Variants in SLC19A2 observed in about 807,000 individuals in gnomAD.
SLC19A2 encodes solute carrier family 19 member 2, also known as thiamine transporter 1.
A neutral mutation model predicts 44.7 loss-of-function variants in SLC19A2; 27 were observed. The observed-to-expected ratio is 0.60, with a 90% CI of 0.45 to 0.83. The LOEUF (loss-of-function observed/expected upper bound fraction) is 0.83. SLC19A2 is among the 40% of genes least tolerant of loss of function. The pLI, the probability that SLC19A2 is intolerant of heterozygous loss-of-function variation, is 0.00. For missense variants in SLC19A2, 566 were observed against 613.7 expected, an observed-to-expected ratio of 0.92 and a Z score of 0.82; for synonymous variants, 239 against 243.6, an observed-to-expected ratio of 0.98 and a Z score of 0.18.
rs1658132833 is a variant in SLC19A2 at position 169,470,099 on chromosome 1, A to T, written c.895T>A (p.Ser299Thr). The part of the protein sequence containing the change: ...CYSSRPLLCW[S>T]VWWALSTCGY... Reference sequence around the variant, plus strand: ...CAGGTAGAGAGGGCCCACCACACAGACCAGCAGAGAAGAGGGCGAGAGGAG... The same window carrying T: ...CAGGTAGAGAGGGCCCACCACACAGTCCAGCAGAGAAGAGGGCGAGAGGAG... The change falls in exon 3 of 6, where the codon TCT becomes ACT. Residue 299 changes from serine to threonine, a missense_variant. Physicochemically the swap from Ser to Thr is moderately conservative, Grantham distance 58. Coordinates refer to ENST00000236137, the MANE Select transcript of SLC19A2 (RefSeq NM_006996.3). 1 of 1,614,092 alleles carries T rather than the reference A, an allele frequency of 6.2e-7. No individual in the cohort carries two copies. The highest frequency in any genetic ancestry group is 1.7e-5 in the Admixed American group (1 of 60,000).
Position 169,485,790 on chromosome 1 carries a change from C to T in SLC19A2, c.-24G>A, listed in dbSNP as rs1184346268. The T allele has an allele frequency of 8.6e-6, 13 of 1,514,352 alleles. No individual in the cohort carries two copies. Among genetic ancestry groups the T allele is most frequent in the South Asian group, 1.2e-5 (1 of 81,044 alleles). 93.8% of individuals were successfully genotyped at this position (1,514,352 alleles called of 1,614,324 possible). A position where few individuals can be genotyped will look rare whatever the true frequency, so the allele number is the denominator to read the frequency against. On this transcript the variant is annotated 5_prime_UTR_variant, in exon 1 of 6. Transcript: ENST00000236137. ...ATCCGGGGCGCGAGGGGAGGGGACC[C>T]GGCCCGGCCCCTTCCTTCTCCTCCT...
Position 169,485,610 on chromosome 1 carries a change from G to T in SLC19A2, c.157C>A (p.Leu53Met). Residue 53 changes from leucine (L) to methionine (M), a missense_variant, in exon 1 of 6, where the codon CTG becomes ATG. Coordinates refer to ENST00000236137, the MANE Select transcript of SLC19A2 (RefSeq NM_006996.3). ...TCCGGCCCCAGCAGGTACGGGGTCA[G>T]GAAGGGCTCGGACGGCCTGAGGCTG... is the stretch of plus-strand genomic sequence containing the variant. ...FASLRPSEPF[L>M]TPYLLGPDKN... 1 of 1,577,346 alleles carries T rather than the reference G, an allele frequency of 6.3e-7. No homozygotes were observed. The highest frequency in any genetic ancestry group is 1.8e-5 in the Admixed American group (1 of 55,794).
intron 1 of SLC19A2, among the ~76,000 whole-genome samples, chr1:169,484,421 G>A (rs1287971473): frequency 6.6e-6 from 1 of 152,132 alleles, no homozygotes; most frequent in Non-Finnish European, 1.5e-5. Context: ...TAAATGGGAG[G>A]AGTATTTTAC....
At chr1:169,478,626 A>G (rs1246862900) in intron 1 of SLC19A2, among the ~76,000 whole-genome samples, 1 of 142,416 alleles carries the variant, frequency 7.0e-6, no homozygotes, top group Non-Finnish European at 1.5e-5. Context: ...CACCAGCCTC[A>G]GCCTCCCAAA....
In SLC19A2 at chr1:169,468,645, T is replaced by C. The variant is rs1333282774; in HGVS notation, c.1222A>G (p.Thr408Ala). The C allele has an allele frequency of 6.2e-7, 1 of 1,613,460 alleles. No homozygotes were observed. The highest frequency in any genetic ancestry group is 8.5e-7 in the Non-Finnish European group (1 of 1,179,496). The change falls in exon 4 of 6, where the codon ACT becomes GCT. Residue 408 changes from threonine to alanine, a missense_variant and splice_region_variant. Thr to Ala is a moderately conservative substitution (Grantham distance 58). Transcript: ENST00000236137. ...GCTTCTATGAGCCAAAATACATACG[T>C]TGCTATCGTGATGAGTAACATGTAG... Reference protein sequence around the residue: ...IIYMLLITIATFQIAANLSME... With the variant: ...IIYMLLITIAAFQIAANLSME...
At chr1:169,475,862 G>C (rs191761767) in intron 2 of SLC19A2, among the ~76,000 whole-genome samples, 85 of 152,180 alleles carry the variant, frequency 5.6e-4, no homozygotes, top group Non-Finnish European at 8.1e-4. Flanking sequence ...CGGGGATAGA[G>C]AAAAGAGAGT....
In SLC19A2 at chr1:169,469,849, C is replaced by T. The variant is rs182263645; in HGVS notation, c.1030+115G>A. ...ATTGTAAAATCTAGCTCAAAATAAT[C>T]ATTTTTTGAGGCTATTTCAAATTTG... On this transcript the variant is annotated intron_variant, in intron 3 of 5. Coordinates refer to ENST00000236137, the MANE Select transcript of SLC19A2 (RefSeq NM_006996.3). The T allele has an allele frequency of 3.5e-3, 3,336 of 960,896 alleles. 60 individuals are homozygous for T. Among genetic ancestry groups the T allele is most frequent in the South Asian group, 2.2e-3 (166 of 74,158 alleles). The allele number at this position is 960,896 out of a possible 1,614,324, so 59.5% of individuals were successfully genotyped here.
intron 1 of SLC19A2, among the ~76,000 whole-genome samples, chr1:169,484,358 T>C (rs773866841): frequency 1.3e-5 from 2 of 152,152 alleles, no homozygotes; most frequent in African/African-American, 2.4e-5. Context: ...GGTTACTGAG[T>C]GGCTACTCAA....
intron 3 of SLC19A2, 90 bp from the exon 4 acceptor site, chr1:169,468,926 A>AT: frequency 8.5e-7 from 1 of 1,171,952 alleles, no homozygotes; most frequent in Non-Finnish European, 1.2e-6. Context: ...TTAAATTTTA[A>AT]AATCTGCAAA....
Position 169,468,227 on chromosome 1 carries a change from T to C in SLC19A2, c.1249A>G (p.Met417Val), listed in dbSNP as rs765422888. The C allele has an allele frequency of 3.7e-6, 6 of 1,613,804 alleles. No individual in the cohort carries two copies. The highest frequency in any genetic ancestry group is 2.2e-5 in the East Asian group (1 of 44,878). Residue 417 changes from methionine (M) to valine (V), a missense_variant, in exon 5 of 6, where the codon ATG becomes GTG. Coordinates refer to ENST00000236137, the MANE Select transcript of SLC19A2 (RefSeq NM_006996.3). ...CCAAATACTAGGGCATAGCGTTCCA[T>C]GCTGAGGTTTGCAGCAATTTGAAAA... is the stretch of plus-strand genomic sequence containing the variant. ...ATFQIAANLSMERYALVFGVN... is the reference protein window; with the variant it reads ...ATFQIAANLSVERYALVFGVN...
chr1:169,468,571 T>C (rs552998776), intron 4 of SLC19A2, 73 bp downstream of exon 4: 268 of 1,227,096 alleles, frequency 2.2e-4, no homozygotes, highest in Admixed American at 2.9e-4. Flanking sequence ...TTGAATATTT[T>C]GGTTTGTAAA....
chr1:169,463,999 AATT>A lies in SLC19A2; in HGVS notation c.*1847_*1849del. 6.6e-6 allele frequency: 1 copy of A among 152,618 alleles called. No individual in the cohort carries two copies. The highest frequency in any genetic ancestry group is 2.1e-4 in the South Asian group (1 of 4,828). 9.5% of individuals were successfully genotyped at this position (152,618 alleles called of 1,614,324 possible). ...ACAGAATTGAATAAAAAGTACAACA[AATT>A]ATTTTCACTTATTTACAAAACTGCA... On this transcript the variant is annotated 3_prime_UTR_variant, in exon 6 of 6. Transcript: ENST00000236137.
intron 1 of SLC19A2, among the ~76,000 whole-genome samples, chr1:169,479,787 C>A (rs528314896): frequency 5.3e-5 from 8 of 152,306 alleles, no homozygotes; most frequent in African/African-American, 1.7e-4. Context: ...GATGAAGCAA[C>A]CTAATCCCAG....
Position 169,468,169 on chromosome 1 carries a change from G to A in SLC19A2, c.1307C>T (p.Thr436Met), listed in dbSNP as rs746730218. ...ATCTACCACAATTAGAGTGAGCAGCGTCTGCAGTGCCAGGGCAATGAAGGT... is the reference window on the plus strand; with the variant it reads ...ATCTACCACAATTAGAGTGAGCAGCATCTGCAGTGCCAGGGCAATGAAGGT... ...VNTFIALALQTLLTLIVVDAS... is the reference protein window; with the variant it reads ...VNTFIALALQMLLTLIVVDAS... The change falls in exon 5 of 6, where the codon ACG (threonine) becomes ATG (methionine). Residue 436 changes from threonine (T) to methionine (M), a missense_variant. Transcript: ENST00000236137. The A allele has an allele frequency of 3.1e-5, 50 of 1,613,738 alleles. No individual in the cohort carries two copies. Among genetic ancestry groups the A allele is most frequent in the African/African-American group, 4.0e-5 (3 of 74,870 alleles).
At position 169,485,884 on chromosome 1, in the gene SLC19A2, G is replaced by T. The variant is rs547359850; in HGVS notation, c.-118C>A. ...CGCCTTCTCCCTGTAAGGCCAGGAC[G>T]TTCTGGACTCGCCGCCGCCTCCGGC... On this transcript the variant is annotated 5_prime_UTR_variant, in exon 1 of 6. Transcript: ENST00000236137. 4.2e-5 allele frequency: 51 copies of T among 1,206,912 alleles called. No homozygotes were observed. The highest frequency in any genetic ancestry group is 5.7e-5 in the Non-Finnish European group (51 of 888,812). The allele number at this position is 1,206,912 out of a possible 1,614,324, so 74.8% of individuals were successfully genotyped here. A position where few individuals can be genotyped will look rare whatever the true frequency, so the allele number is the denominator to read the frequency against.
At position 169,477,455 on chromosome 1, in the gene SLC19A2, A is replaced by G; in HGVS notation, c.507T>C (p.Phe169=). ...TTTGCCCTAGGACAGAGCCCACTGT[A>G]AAGCCCACCAAAGTGGCACTTCGAC... ...SYCRSATLVG[F]TVGSVLGQIL... The change falls in exon 2 of 6, where the codon TTT becomes TTC. Residue 169 remains phenylalanine, a synonymous_variant. Coordinates refer to ENST00000236137, the MANE Select transcript of SLC19A2 (RefSeq NM_006996.3). 6.2e-7 allele frequency: 1 copy of G among 1,614,192 alleles called. No individual in the cohort carries two copies. Among genetic ancestry groups the G allele is most frequent in the Non-Finnish European group, 8.5e-7 (1 of 1,180,030 alleles).
Position 169,477,205 on chromosome 1 carries a change from T to G in SLC19A2, c.757A>C (p.Ile253Leu). 1.2e-6 allele frequency: 2 copies of G among 1,614,054 alleles called. No individual in the cohort carries two copies. Among genetic ancestry groups the G allele is most frequent in the Non-Finnish European group, 1.7e-6 (2 of 1,179,988 alleles). Residue 253 changes from isoleucine (I) to leucine (L), a missense_variant, in exon 2 of 6, where the codon ATT (isoleucine) becomes CTT (leucine). Transcript: ENST00000236137. ...ASNHLPGWED[I>L]ESKIPLNMEE... ...ATATTTAGAGGGATTTTTGACTCAATGTCCTCCCAGCCAGGAAGGTGGTTA... is the reference window on the plus strand; with the variant it reads ...ATATTTAGAGGGATTTTTGACTCAAGGTCCTCCCAGCCAGGAAGGTGGTTA...
At position 169,485,729 on chromosome 1, in the gene SLC19A2, G is replaced by A; in HGVS notation, c.38C>T (p.Ala13Val). 1.3e-6 allele frequency: 2 copies of A among 1,529,800 alleles called. No individual in the cohort carries two copies. Among genetic ancestry groups the A allele is most frequent in the Non-Finnish European group, 8.7e-7 (1 of 1,143,058 alleles). The allele number at this position is 1,529,800 out of a possible 1,614,324, so 94.8% of individuals were successfully genotyped here. Residue 13 changes from alanine (A) to valine (V), a missense_variant, in exon 1 of 6, where the codon GCG becomes GTG. By Grantham distance (64) the Ala-to-Val change is moderately conservative. Coordinates refer to ENST00000236137, the MANE Select transcript of SLC19A2 (RefSeq NM_006996.3). ...VPGPVSRRAAAAAATVLLRTA... is the reference protein window; with the variant it reads ...VPGPVSRRAAVAAATVLLRTA... ...CCGCAGGAGCACAGTGGCCGCCGCC[G>A]CCGCCGCCCGCCGAGACACCGGGCC...
Position 169,465,792 on chromosome 1 carries a change from A to G in SLC19A2, c.*57T>C, listed in dbSNP as rs1411579038. On this transcript the variant is annotated 3_prime_UTR_variant, in exon 6 of 6. Transcript: ENST00000236137. ...GTCTACGCTTTAAAAAATCAAACACATCCAGGCAGTTGCTGTGCAGAGTTC... is the reference window on the plus strand; with the variant it reads ...GTCTACGCTTTAAAAAATCAAACACGTCCAGGCAGTTGCTGTGCAGAGTTC... 1.6e-5 allele frequency: 25 copies of G among 1,597,404 alleles called. No homozygotes were observed. The highest frequency in any genetic ancestry group is 2.1e-5 in the Non-Finnish European group (24 of 1,168,114).
Sources: gnomAD v4.1 joint callset for allele counts (sites outside exome capture counted in the v4.1 genomes callset) on GRCh38, gnomAD v4.1.1 for gene constraint, MANE v1.5 for transcripts, NCBI Gene and HGNC (gene_info 2026-07-23, HGNC 2026-07-21) for gene names.